GPR137C: variants seen among roughly 807,000 people sequenced by gnomAD.
GPR137C encodes G protein-coupled receptor 137C, also known as integral membrane protein GPR137C.
Under a neutral mutation model 43.4 loss-of-function variants are expected in GPR137C, and 27 were observed. The ratio of observed to expected loss-of-function variants is 0.62; its 90% CI spans 0.46 to 0.86. GPR137C has a LOEUF of 0.86. GPR137C is among the 40% of genes least tolerant of loss of function. The pLI is 0.00. For missense variants in GPR137C, 522 were observed against 534.6 expected, an observed-to-expected ratio of 0.98 and a Z score of 0.23; for synonymous variants, 285 against 226.9, an observed-to-expected ratio of 1.26 and a Z score of -2.30.
At chr14:52,566,847 C>T (rs1442175815) in intron 1 of GPR137C, among the ~76,000 whole-genome samples, 3 of 152,204 alleles carry the variant, frequency 2.0e-5, no homozygotes, top group Non-Finnish European at 4.4e-5. Context: ...TGCAGTGGCT[C>T]ACGCCTGTAA....
At chr14:52,560,505 A>G (rs1458693371) in intron 1 of GPR137C, among the ~76,000 whole-genome samples, 2 of 152,210 alleles carry the variant, frequency 1.3e-5, no homozygotes, top group African/African-American at 4.8e-5. Context: ...CTACTTGAAG[A>G]GTAACTGTAA....
chr14:52,627,033 T>A (rs1256424596), intron 3 of GPR137C, among the ~76,000 whole-genome samples: 1 of 152,178 alleles, frequency 6.6e-6, no homozygotes, highest in Non-Finnish European at 1.5e-5. Flanking sequence ...AAGATGGCAA[T>A]TCTCCCCTAA....
At chr14:52,590,662 A>C (rs929543197) in intron 1 of GPR137C, among the ~76,000 whole-genome samples, 1 of 152,168 alleles carries the variant, frequency 6.6e-6, no homozygotes, top group Non-Finnish European at 1.5e-5. Context: ...CCATCGTGTT[A>C]TACTTGCACA....
intron 1 of GPR137C, among the ~76,000 whole-genome samples, chr14:52,571,086 G>A (rs1163537217): frequency 2.0e-5 from 3 of 152,168 alleles, no homozygotes; most frequent in African/African-American, 7.2e-5. Context: ...CACGTAATTG[G>A]AAGTAAAACA....
At chr14:52,629,240 A>G (rs1291257778) in intron 3 of GPR137C, among the ~76,000 whole-genome samples, 4 of 152,168 alleles carry the variant, frequency 2.6e-5, no homozygotes, top group African/African-American at 9.7e-5. Context: ...CTTAACGACC[A>G]CCATATGACC....
intron 1 of GPR137C, among the ~76,000 whole-genome samples, chr14:52,557,205 C>T (rs2038208163): frequency 1.3e-5 from 2 of 151,962 alleles, no homozygotes; most frequent in African/African-American, 2.4e-5. Context: ...GCAACTAGAA[C>T]AATGATGATT....
At chr14:52,577,798 A>T (rs541240873) in intron 1 of GPR137C, among the ~76,000 whole-genome samples, 2 of 120,844 alleles carry the variant, frequency 1.7e-5, no homozygotes, top group African/African-American at 3.3e-5. Context: ...CACCATCTCT[A>T]CAAAAAAAAA....
At chr14:52,633,696 A>G (rs773502994) in intron 5 of GPR137C, 41 bp downstream of exon 5, 1 of 1,597,958 alleles carries the variant, frequency 6.3e-7, no homozygotes, top group East Asian at 2.2e-5. Flanking sequence ...TCCTATTTTT[A>G]AAAATTATGG....
chr14:52,617,952 T>C (rs989199120), intron 3 of GPR137C, among the ~76,000 whole-genome samples: 10 of 152,316 alleles, frequency 6.6e-5, no homozygotes, highest in African/African-American at 1.7e-4. Flanking sequence ...AAAAATTGCT[T>C]ATAAATGTTA....
intron 2 of GPR137C, among the ~76,000 whole-genome samples, chr14:52,599,457 A>T (rs1489498858): frequency 2.1e-5 from 3 of 143,262 alleles, no homozygotes; most frequent in Non-Finnish European, 3.0e-5. Context: ...TTTTATTGAT[A>T]CAGTCTCGCA....
intron 1 of GPR137C, among the ~76,000 whole-genome samples, chr14:52,575,220 A>T (rs186013919): frequency 1.3e-5 from 2 of 152,172 alleles, no homozygotes; most frequent in Admixed American, 6.5e-5. Flanking sequence ...ACTCCTGAAA[A>T]TTTTAGTTAT....
intron 3 of GPR137C, among the ~76,000 whole-genome samples, chr14:52,617,687 A>C (rs1438273844): frequency 6.6e-6 from 1 of 152,230 alleles, no homozygotes; most frequent in Non-Finnish European, 1.5e-5. Context: ...TCAAACAAAC[A>C]AACAAACAAA....
intron 1 of GPR137C, among the ~76,000 whole-genome samples, chr14:52,579,047 C>T (rs1304805575): frequency 1.3e-5 from 2 of 152,072 alleles, no homozygotes; most frequent in African/African-American, 4.8e-5. Flanking sequence ...TTACAGAACC[C>T]CCGTTGCTAG....
chr14:52,600,388 C>T, intron 3 of GPR137C, 47 bp downstream of exon 3: 1 of 932,742 alleles, frequency 1.1e-6, no homozygotes, highest in South Asian at 1.5e-5. Flanking sequence ...ATTTCAAATT[C>T]TTACCCTACT....
At chr14:52,593,426 T>A (rs894276277) in intron 1 of GPR137C, among the ~76,000 whole-genome samples, 2 of 152,228 alleles carry the variant, frequency 1.3e-5, no homozygotes, top group African/African-American at 4.8e-5. Flanking sequence ...TCTTTGTACC[T>A]CTGGTAGAAT....
At chr14:52,593,926 G>T (rs542479498) in intron 1 of GPR137C, among the ~76,000 whole-genome samples, 54 of 152,184 alleles carry the variant, frequency 3.5e-4, no homozygotes, top group African/African-American at 1.2e-3. Flanking sequence ...TGATGTTAGG[G>T]TGTCCATTTT....
Position 52,581,785 on chromosome 14 carries a change from A to G in GPR137C, c.445-16487A>G, listed in dbSNP as rs2038651269. On this transcript the variant is annotated intron_variant, in intron 1 of 6. Coordinates refer to ENST00000321662, the MANE Select transcript of GPR137C (RefSeq NM_001099652.2). ...TGGAAAAGAGATTATGTTTACCACA[A>G]TTCATTTTTGCATCAATTTCAAATT... Among the ~76,000 whole-genome samples the G allele has an allele frequency of 2.0e-5, 3 of 152,200 alleles. No homozygotes were observed. In the South Asian group the frequency reaches 6.2e-4, roughly 31 times the overall value.
At chr14:52,598,482 T>TTA (rs1281746103) in intron 2 of GPR137C, among the ~76,000 whole-genome samples, 167 bp downstream of exon 2, 1 of 152,116 alleles carries the variant, frequency 6.6e-6, no homozygotes, top group Non-Finnish European at 1.5e-5. Flanking sequence ...AAAACCAAGT[T>TTA]GTTAGATTGG....
intron 3 of GPR137C, among the ~76,000 whole-genome samples, chr14:52,603,003 GTTA>G (rs886131291): frequency 3.5e-4 from 54 of 152,122 alleles, no homozygotes; most frequent in Admixed American, 1.3e-3. Context: ...ATAATAAATT[GTTA>G]TTAACTATAA....
Sources: allele counts gnomAD v4.1 joint callset (sites outside exome capture counted in the v4.1 genomes callset), GRCh38; gene constraint gnomAD v4.1.1; transcripts MANE v1.5; gene names NCBI Gene and HGNC (gene_info 2026-07-23, HGNC 2026-07-21).